The following HEATR5A variants were observed in gnomAD, a reference collection of about 807,000 sequenced individuals.
HEATR5A encodes the protein HEAT repeat-containing protein 5A.
A neutral mutation model predicts 218.8 loss-of-function variants in HEATR5A; 178 were observed. The observed-to-expected ratio is 0.81, with a 90% CI of 0.72 to 0.92. The LOEUF (loss-of-function observed/expected upper bound fraction) is 0.92, where lower values mean the gene tolerates loss of function less well. Among genes scored for constraint, HEATR5A ranks in the 40% least tolerant of loss-of-function variants. The pLI is 0.00. For synonymous variants in HEATR5A, 864 were observed against 871.6 expected (o/e 0.99, Z 0.15); for missense variants, 2,420 against 2,418.9 (o/e 1.00, Z -0.01).
rs185446959 is a variant in HEATR5A at position 31,419,537 on chromosome 14, T to A, written c.-75+935A>T. Among the ~76,000 whole-genome samples the A allele has an allele frequency of 3.9e-5, 6 of 152,334 alleles. No homozygotes were observed. In the East Asian group the frequency reaches 1.2e-3, roughly 29 times the overall value. Reference sequence around the variant, plus strand: ...CCCCTTTTTTTCCTCCTTAAACTTCTAATATCTTTCAGGCTGTAAATTCCT... The same window carrying A: ...CCCCTTTTTTTCCTCCTTAAACTTCAAATATCTTTCAGGCTGTAAATTCCT... On this transcript the variant is annotated intron_variant, in intron 1 of 35. Transcript: ENST00000543095.
intron 25 of HEATR5A, chr14:31,320,622 C>CGGT (rs2139164082): frequency 1.4e-6 from 1 of 694,358 alleles, no homozygotes; most frequent in East Asian, 2.9e-5. Flanking sequence ...AGTAATACCC[C>CGGT]GGTGGTCTGC....
At chr14:31,351,796 A>ATTT (rs1901242696) in intron 16 of HEATR5A, among the ~76,000 whole-genome samples, 1 of 151,142 alleles carries the variant, frequency 6.6e-6, no homozygotes, top group Non-Finnish European at 1.5e-5. Flanking sequence ...TTTTTTTTTA[A>ATTT]AAGAGATGAT....
chr14:31,398,039 AT>A (rs2030726878), intron 4 of HEATR5A, among the ~76,000 whole-genome samples: 1 of 152,190 alleles, frequency 6.6e-6, no homozygotes, highest in Non-Finnish European at 1.5e-5. Flanking sequence ...AAATGCTTTC[AT>A]TTCAAAACCA....
intron 13 of HEATR5A, among the ~76,000 whole-genome samples, chr14:31,369,200 C>T (rs755176217): frequency 2.7e-5 from 4 of 150,218 alleles, no homozygotes; most frequent in African/African-American, 1.0e-4. Flanking sequence ...GGGAGGCTTA[C>T]GTGGGAGGAT....
chr14:31,387,163 T>C lies in HEATR5A; in HGVS notation c.1146A>G (p.Val382=). ...TCCAGATGGCCTGGCAAATATCCTT[T>C]ACAGCAGCAAGCTGAGCCTTTTCTC... ...LLGEKAQLAA[V]KDICQAIWKL... is the part of the protein sequence containing the mutation. Residue 382 remains valine, a synonymous_variant, in exon 8 of 36, where the codon GTA becomes GTG. Transcript: ENST00000543095. 3 of 1,613,976 alleles carry C rather than the reference T, an allele frequency of 1.9e-6. 1 individual carries two copies. The highest frequency in any genetic ancestry group is 2.2e-5 in the South Asian group (2 of 91,082).
At chr14:31,346,259 T>C (rs1312197615) in intron 19 of HEATR5A, among the ~76,000 whole-genome samples, 1 of 152,126 alleles carries the variant, frequency 6.6e-6, no homozygotes, top group Non-Finnish European at 1.5e-5. Flanking sequence ...AGGTATTCAA[T>C]ATACAACTAG....
intron 23 of HEATR5A, among the ~76,000 whole-genome samples, chr14:31,324,336 G>A (rs1243771286): frequency 6.6e-6 from 1 of 152,170 alleles, no homozygotes; most frequent in African/African-American, 2.4e-5. Flanking sequence ...GCTGGTCACT[G>A]AGTAGTGAAT....
At chr14:31,380,612 A>G (rs534314451) in intron 10 of HEATR5A, 34 bp from the exon 11 acceptor site, 54 of 1,336,862 alleles carry the variant, frequency 4.0e-5, no homozygotes, top group East Asian at 2.5e-4. Flanking sequence ...TAAAAAAAGC[A>G]TATCAGTTTA....
At chr14:31,304,143 A>G (rs1816981226) in intron 32 of HEATR5A, among the ~76,000 whole-genome samples, 1 of 152,158 alleles carries the variant, frequency 6.6e-6, no homozygotes, top group South Asian at 2.1e-4. Context: ...CAGGAGTTTG[A>G]CATTATAGTG....
At chr14:31,383,794 A>C (rs1399426106) in intron 9 of HEATR5A, 23 bp from the exon 10 acceptor site, 1 of 1,599,890 alleles carries the variant, frequency 6.3e-7, no homozygotes, top group Admixed American at 1.7e-5. Context: ...ACAAATGATG[A>C]CTTAGGTACA....
chr14:31,384,528 C>CT (rs202158979), intron 9 of HEATR5A, among the ~76,000 whole-genome samples: 1,992 of 136,810 alleles, frequency 0.015, 31 homozygotes, highest in African/African-American at 0.041. Flanking sequence ...AATTCATATA[C>CT]TTTTTTTTTT....
intron 11 of HEATR5A, among the ~76,000 whole-genome samples, chr14:31,378,964 C>T (rs566754126): frequency 4.2e-4 from 64 of 151,594 alleles, no homozygotes; most frequent in Middle Eastern, 6.8e-3. Flanking sequence ...TTTTTTGAGA[C>T]GGAGTCTTGT....
intron 22 of HEATR5A, among the ~76,000 whole-genome samples, chr14:31,334,712 C>T (rs574957523): frequency 3.9e-5 from 6 of 152,058 alleles, no homozygotes; most frequent in Non-Finnish European, 5.9e-5. Flanking sequence ...TTTGGGAGGC[C>T]GAGGCGAGTG....
At position 31,308,979 on chromosome 14, in the gene HEATR5A, T is replaced by C; in HGVS notation, c.4645A>G (p.Lys1549Glu). Residue 1549 changes from lysine to glutamate, a missense_variant, in exon 29 of 36, where the codon AAG becomes GAG. Transcript: ENST00000543095. The part of the protein sequence containing the change: ...CQGSSSGATI[K>E]SPEDVYTDRF... ...TCAGTGTAGACATCCTCAGGGGACT[T>C]TATGGTAGCCCCAGATGATGAACCC... 6.2e-7 allele frequency: 1 copy of C among 1,613,740 alleles called. No individual in the cohort carries two copies. The highest frequency in any genetic ancestry group is 8.5e-7 in the Non-Finnish European group (1 of 1,179,738).
At chr14:31,350,587 T>G (rs1454482847) in intron 17 of HEATR5A, 25 bp downstream of exon 17, 1 of 1,322,944 alleles carries the variant, frequency 7.6e-7, no homozygotes, top group East Asian at 2.4e-5. Flanking sequence ...GAAGCCAACA[T>G]TTAAATGAAA....
chr14:31,308,844 C>CAG, intron 29 of HEATR5A, 90 bp downstream of exon 29: 2 of 1,137,652 alleles, frequency 1.8e-6, no homozygotes, highest in Non-Finnish European at 2.4e-6. Context: ...CACTGTACTC[C>CAG]AGCCTGGGTG....
intron 25 of HEATR5A, chr14:31,320,209 G>T: frequency 1.6e-6 from 1 of 632,636 alleles, no homozygotes; most frequent in South Asian, 1.4e-5. Context: ...ACAGGCAGGT[G>T]ACCCTCACGG....
At chr14:31,339,306 T>C (rs2182255) in intron 21 of HEATR5A, among the ~76,000 whole-genome samples, 150,088 of 151,474 alleles carry the variant, frequency 0.99, 74,367 homozygotes, top group Middle Eastern at 1. Flanking sequence ...AAAAATTAGC[T>C]GGGCGTGGTG....
At chr14:31,371,502 C>A (rs986319675) in intron 13 of HEATR5A, 2 of 187,368 alleles carry the variant, frequency 1.1e-5, no homozygotes, top group Non-Finnish European at 2.2e-5. Context: ...TTAGAAGCAT[C>A]TGGTTCTCAC....
Sources: gnomAD v4.1 joint callset for allele counts (sites outside exome capture counted in the v4.1 genomes callset) on GRCh38, gnomAD v4.1.1 for gene constraint, MANE v1.5 for transcripts, NCBI Gene and HGNC (gene_info 2026-07-23, HGNC 2026-07-21) for gene names.